Variants in MYH10 observed in about 807,000 individuals in gnomAD.
The protein encoded by MYH10 is myosin heavy chain 10.
A neutral mutation model predicts 257.8 loss-of-function variants in MYH10; 55 were observed. The ratio of observed to expected loss-of-function variants is 0.21; its 90% CI spans 0.17 to 0.27. The LOEUF (loss-of-function observed/expected upper bound fraction) is 0.27, where lower values mean the gene tolerates loss of function less well. Ranked by LOEUF, MYH10 falls within the 10% of genes least tolerant of loss-of-function variation. The pLI is 1.00. For synonymous variants in MYH10, 854 were observed against 921.7 expected (o/e 0.93, Z 1.33); for missense variants, 1,631 against 2,500.6 (o/e 0.65, Z 7.42).
intron 14 of MYH10, among the ~76,000 whole-genome samples, chr17:8,539,782 T>C (rs1452162027): frequency 1.3e-5 from 2 of 151,732 alleles, no homozygotes; most frequent in African/African-American, 2.4e-5. Context: ...AGAGATGTAG[T>C]CTTACTATGT....
intron 38 of MYH10, among the ~76,000 whole-genome samples, chr17:8,480,798 T>C (rs1040120460): frequency 6.6e-5 from 10 of 152,084 alleles, no homozygotes; most frequent in Non-Finnish European, 1.5e-4. Flanking sequence ...TCTCTCCAGC[T>C]GTTCTCCACA....
intron 29 of MYH10, 135 bp downstream of exon 29, chr17:8,500,691 C>T: frequency 9.3e-7 from 1 of 1,079,454 alleles, no homozygotes. Context: ...AACTGGGTAC[C>T]CAGCAGCCCA....
intron 42 of MYH10, among the ~76,000 whole-genome samples, 184 bp downstream of exon 42, chr17:8,476,692 G>A (rs552434891): frequency 2.0e-5 from 3 of 152,258 alleles, no homozygotes; most frequent in South Asian, 2.1e-4. Flanking sequence ...GAATAGGGCC[G>A]CCTCCTCTTT....
rs554127617 is a variant in MYH10 at position 8,504,780 on chromosome 17, C to T, written c.3513G>A (p.Gln1171=). 1.9e-6 allele frequency: 3 copies of T among 1,614,238 alleles called. No individual in the cohort carries two copies. The highest frequency in any genetic ancestry group is 2.2e-5 in the South Asian group (2 of 91,090). The part of the protein sequence containing the change: ...EKASRNKAEK[Q]KRDLSEELEA... ...CCAGTTCCTCACTCAAGTCCCTTTTCTGCTTTTCGGCCTTGTTCCGTGAAG... is the reference window on the plus strand; with the variant it reads ...CCAGTTCCTCACTCAAGTCCCTTTTTTGCTTTTCGGCCTTGTTCCGTGAAG... Residue 1171 remains glutamine (Q), a synonymous_variant, in exon 28 of 43, where the codon CAG becomes CAA. Coordinates refer to ENST00000360416, the MANE Select transcript of MYH10 (RefSeq NM_001256012.3). This position sits in a 1 kb window ranked among gnomAD's most constrained non-coding sequence, Gnocchi z 5.6.
chr17:8,521,044 G>GA (rs2081638143), intron 18 of MYH10, 45 bp from the exon 19 acceptor site: 2 of 1,612,206 alleles, frequency 1.2e-6, no homozygotes, highest in Non-Finnish European at 1.7e-6. Flanking sequence ...TTTAGCATCT[G>GA]ACCTAGATCA....
At chr17:8,608,449 C>T (rs2084894084) in intron 2 of MYH10, among the ~76,000 whole-genome samples, 2 of 152,136 alleles carry the variant, frequency 1.3e-5, no homozygotes, top group Admixed American at 1.3e-4. Flanking sequence ...GGTCTCCAGG[C>T]CTTACAGAAA....
intron 6 of MYH10, among the ~76,000 whole-genome samples, chr17:8,573,229 C>T (rs938912512): frequency 2.0e-5 from 3 of 152,250 alleles, no homozygotes; most frequent in African/African-American, 7.2e-5. Context: ...AAAATATATA[C>T]CTCTTTCAAA....
intron 3 of MYH10, among the ~76,000 whole-genome samples, chr17:8,595,251 G>A (rs912373004): frequency 6.6e-6 from 1 of 152,050 alleles, no homozygotes; most frequent in East Asian, 1.9e-4. Flanking sequence ...AGGATAATGG[G>A]TGATTCATAA....
chr17:8,562,662 A>T (rs988204089), intron 7 of MYH10, among the ~76,000 whole-genome samples: 1 of 152,234 alleles, frequency 6.6e-6, no homozygotes, highest in Non-Finnish European at 1.5e-5. Context: ...TACCTTGTGT[A>T]TTAATTACAG....
At chr17:8,585,031 C>G (rs949559145) in intron 4 of MYH10, among the ~76,000 whole-genome samples, 4 of 151,528 alleles carry the variant, frequency 2.6e-5, no homozygotes, top group African/African-American at 9.7e-5. Context: ...TTAGTAGAGA[C>G]GGGGTTTCTC....
chr17:8,526,001 C>T (rs1439247569), intron 17 of MYH10, among the ~76,000 whole-genome samples: 8 of 152,160 alleles, frequency 5.3e-5, no homozygotes, highest in African/African-American at 1.9e-4. Flanking sequence ...CCATATTGGC[C>T]AGGCTGGTCT....
chr17:8,587,217 G>A (rs1427522246), intron 4 of MYH10, among the ~76,000 whole-genome samples: 1 of 152,182 alleles, frequency 6.6e-6, no homozygotes, highest in African/African-American at 2.4e-5. Context: ...TAAGAAAGCT[G>A]AGCCTGGCCC....
chr17:8,542,913 C>T (rs1443688019), intron 13 of MYH10, among the ~76,000 whole-genome samples: 2 of 152,160 alleles, frequency 1.3e-5, no homozygotes, highest in Non-Finnish European at 2.9e-5. Flanking sequence ...AAATGTTTGA[C>T]CTTTGCAATA....
chr17:8,565,653 C>T (rs1402063611), intron 7 of MYH10, among the ~76,000 whole-genome samples: 1 of 152,172 alleles, frequency 6.6e-6, no homozygotes, highest in Non-Finnish European at 1.5e-5. Context: ...TCAGCTTTTA[C>T]TATATTAGAA....
At chr17:8,605,770 A>G (rs1481407584) in intron 2 of MYH10, among the ~76,000 whole-genome samples, 1 of 152,074 alleles carries the variant, frequency 6.6e-6, no homozygotes, top group Non-Finnish European at 1.5e-5. Flanking sequence ...CAAACAAACA[A>G]AAGAAAAACC....
chr17:8,566,246 T>C (rs1392403467), intron 7 of MYH10, among the ~76,000 whole-genome samples: 1 of 152,130 alleles, frequency 6.6e-6, no homozygotes, highest in East Asian at 1.9e-4. Flanking sequence ...TGGAAATCAC[T>C]GTAAGGATTC....
At chr17:8,489,708 A>AAAACACACACACACACACACACACACAC (rs1555570828) in intron 35 of MYH10, among the ~76,000 whole-genome samples, 3 of 93,084 alleles carry the variant, frequency 3.2e-5, no homozygotes, top group African/African-American at 1.1e-4. Flanking sequence ...CGTCTGAAAA[A>AAAACACACACACACACACACACACACAC]ACACACACAC....
chr17:8,590,870 C>T (rs1266885226), intron 3 of MYH10, among the ~76,000 whole-genome samples: 2 of 26,266 alleles, frequency 7.6e-5, no homozygotes, highest in Admixed American at 5.9e-4. Flanking sequence ...TTCTCAATGT[C>T]GCCTTTTTTT....
chr17:8,481,449 AG>A lies in MYH10; in HGVS notation c.5176-40del, dbSNP rs1430261820. 3 of 1,589,960 alleles carry A rather than the reference AG, an allele frequency of 1.9e-6. No individual in the cohort carries two copies. In the African/African-American group the frequency reaches 4.0e-5, roughly 21 times the overall value. Reference sequence around the variant, plus strand: ...ACTGCGTTAAGCTCTGGCTGTGAATAGTTTCCTCACCTGTGGAATCTGACAG... The same window carrying A: ...ACTGCGTTAAGCTCTGGCTGTGAATATTTCCTCACCTGTGGAATCTGACAG... On this transcript the variant is annotated intron_variant, in intron 37 of 42. Coordinates refer to ENST00000360416, the MANE Select transcript of MYH10 (RefSeq NM_001256012.3).
Sources: gnomAD v4.1 joint callset for allele counts (sites outside exome capture counted in the v4.1 genomes callset) on GRCh38, gnomAD v4.1.1 for gene constraint, Gnocchi (gnomAD v3.1) non-coding constraint, MANE v1.5 for transcripts, NCBI Gene and HGNC (gene_info 2026-07-23, HGNC 2026-07-21) for gene names.